Variants in GNAO1 observed in about 807,000 individuals in gnomAD.
The protein encoded by GNAO1 is guanine nucleotide-binding protein G(o) subunit alpha.
For missense variants in GNAO1, 166 were observed against 478.7 expected, an observed-to-expected ratio of 0.35 and a Z score of 6.10; for synonymous variants, 164 against 180.7, an observed-to-expected ratio of 0.91 and a Z score of 0.74.
intron 2 of GNAO1, among the ~76,000 whole-genome samples, chr16:56,208,499 G>T (rs1349369753): frequency 6.6e-6 from 1 of 152,060 alleles, no homozygotes; most frequent in Non-Finnish European, 1.5e-5. Flanking sequence ...ATGCATTTGT[G>T]AAGGGTTCTT....
intron 2 of GNAO1, among the ~76,000 whole-genome samples, chr16:56,275,509 A>C (rs2037053849): frequency 1.3e-5 from 2 of 152,238 alleles, no homozygotes; most frequent in East Asian, 1.9e-4. Context: ...TTTCTGTGAA[A>C]GAAAAATGCA....
At chr16:56,333,554 G>C (rs2037711886) in intron 4 of GNAO1, among the ~76,000 whole-genome samples, 1 of 152,214 alleles carries the variant, frequency 6.6e-6, no homozygotes, top group African/African-American at 2.4e-5. Flanking sequence ...TTACCTCCCT[G>C]AGCCTTGGAA....
chr16:56,222,811 T>C (rs1373981344), intron 2 of GNAO1, among the ~76,000 whole-genome samples: 1 of 152,174 alleles, frequency 6.6e-6, no homozygotes, highest in Non-Finnish European at 1.5e-5. Context: ...GTGACACGGC[T>C]TTGCTGCTAG....
At position 56,355,073 on chromosome 16, in the gene GNAO1, AC is replaced by A; in HGVS notation, c.*22del. ...TACTGACCTCTTGTCCTGTATAGCA[AC>A]CTATTTGGTAATGATTCCAGCACCC... On this transcript the variant is annotated 3_prime_UTR_variant, in exon 8 of 9. Transcript: ENST00000262493. The A allele has an allele frequency of 6.4e-7, 1 of 1,562,474 alleles. No individual in the cohort carries two copies. Among genetic ancestry groups the A allele is most frequent in the Non-Finnish European group, 8.8e-7 (1 of 1,137,874 alleles).
intron 2 of GNAO1, among the ~76,000 whole-genome samples, chr16:56,230,442 A>G (rs1438630812): frequency 6.6e-6 from 1 of 152,196 alleles, no homozygotes; most frequent in Non-Finnish European, 1.5e-5. Context: ...TCCCCTGATA[A>G]GGGGTTTACC....
chr16:56,266,893 A>G (rs568844722), intron 2 of GNAO1, among the ~76,000 whole-genome samples: 58 of 152,284 alleles, frequency 3.8e-4, no homozygotes, highest in Non-Finnish European at 7.1e-4. Context: ...AACAAAGGAA[A>G]GAGTGGTGTT....
At chr16:56,303,929 C>T (rs902273444) in intron 3 of GNAO1, among the ~76,000 whole-genome samples, 1 of 152,208 alleles carries the variant, frequency 6.6e-6, no homozygotes, top group African/African-American at 2.4e-5. Flanking sequence ...GGAAAGGGCA[C>T]TGAAGAGCCA....
chr16:56,267,204 C>G (rs976126348), intron 2 of GNAO1, among the ~76,000 whole-genome samples: 1 of 152,224 alleles, frequency 6.6e-6, no homozygotes, highest in Non-Finnish European at 1.5e-5. Flanking sequence ...GGTGCCTGCC[C>G]TCTGCTGAGC....
intron 2 of GNAO1, among the ~76,000 whole-genome samples, chr16:56,253,341 G>A (rs1309646282): frequency 2.0e-5 from 3 of 152,232 alleles, no homozygotes; most frequent in African/African-American, 4.8e-5. Context: ...GAAGACCTGG[G>A]TTGGAGCCCC....
intron 3 of GNAO1, among the ~76,000 whole-genome samples, chr16:56,279,099 T>C (rs1346924030): frequency 2.6e-5 from 4 of 152,178 alleles, no homozygotes; most frequent in East Asian, 3.9e-4. Flanking sequence ...AGGGGATGTC[T>C]GGAGGAAGAC....
At chr16:56,248,492 C>T (rs1381280039) in intron 2 of GNAO1, among the ~76,000 whole-genome samples, 3 of 152,198 alleles carry the variant, frequency 2.0e-5, no homozygotes, top group Admixed American at 2.0e-4. Context: ...TCCATGATAA[C>T]AGCTGTGGGT....
intron 2 of GNAO1, among the ~76,000 whole-genome samples, chr16:56,211,495 T>C (rs911609455): frequency 6.6e-6 from 1 of 152,144 alleles, no homozygotes; most frequent in Non-Finnish European, 1.5e-5. Flanking sequence ...TCTGCTAGCA[T>C]CTCTAGACTT....
chr16:56,220,981 C>T lies in GNAO1; in HGVS notation c.161+28365C>T, dbSNP rs1310444506. Among the ~76,000 whole-genome samples the T allele has an allele frequency of 4.6e-5, 7 of 152,166 alleles. No individual in the cohort carries two copies. The South Asian group carries it at 6.2e-4, about 14-fold the overall frequency. The stretch of plus-strand genomic sequence containing the variant: ...CAGGCTGGTCTTGAACTCCTGACCT[C>T]GTGATCCACCTGCCTTGGCCTCCCA... On this transcript the variant is annotated intron_variant, in intron 2 of 8. Coordinates refer to ENST00000262493, the MANE Select transcript of GNAO1 (RefSeq NM_020988.3).
chr16:56,215,303 TTGTC>T (rs1429803323), intron 2 of GNAO1, among the ~76,000 whole-genome samples: 2 of 152,202 alleles, frequency 1.3e-5, no homozygotes, highest in Non-Finnish European at 2.9e-5. Context: ...GATGACTTCT[TTGTC>T]TATCTGAGTT....
intron 3 of GNAO1, among the ~76,000 whole-genome samples, chr16:56,299,517 C>A (rs1282410064): frequency 6.6e-6 from 1 of 152,108 alleles, no homozygotes; most frequent in African/African-American, 2.4e-5. Flanking sequence ...CCCGAGGCAG[C>A]CCCCACCTTC....
At chr16:56,217,357 A>G (rs1267208957) in intron 2 of GNAO1, among the ~76,000 whole-genome samples, 4 of 152,246 alleles carry the variant, frequency 2.6e-5, no homozygotes, top group African/African-American at 9.6e-5. Context: ...AGATTTAGCT[A>G]AACGCTTGCA....
At chr16:56,270,029 C>T (rs1201805357) in intron 2 of GNAO1, among the ~76,000 whole-genome samples, 2 of 152,142 alleles carry the variant, frequency 1.3e-5, no homozygotes, top group Non-Finnish European at 2.9e-5. Flanking sequence ...GTCCAGGCCT[C>T]CTGCAGGGTC....
chr16:56,247,912 G>C (rs1393349135), intron 2 of GNAO1, among the ~76,000 whole-genome samples: 2 of 152,184 alleles, frequency 1.3e-5, no homozygotes, highest in East Asian at 3.8e-4. Flanking sequence ...ATCATGTAAA[G>C]GCAAAACAAT....
At chr16:56,308,541 T>G (rs2037420119) in intron 3 of GNAO1, among the ~76,000 whole-genome samples, 1 of 152,026 alleles carries the variant, frequency 6.6e-6, no homozygotes, top group Non-Finnish European at 1.5e-5. Context: ...ACCCAGAGGT[T>G]AGGTAGGGGT....
Sources: allele counts gnomAD v4.1 joint callset (sites outside exome capture counted in the v4.1 genomes callset), GRCh38; gene constraint gnomAD v4.1.1; transcripts MANE v1.5; gene names NCBI Gene and HGNC (gene_info 2026-07-23, HGNC 2026-07-21).